The following VWA8 variants were observed in gnomAD, a reference collection of about 807,000 sequenced individuals.
VWA8 encodes the protein von Willebrand factor A domain containing 8, also known as von Willebrand factor A domain-containing protein 8.
Under a neutral mutation model 241.5 loss-of-function variants are expected in VWA8, and 221 were observed. That is an observed-to-expected ratio of 0.91 (90% CI 0.82 to 1.02). The LOEUF (loss-of-function observed/expected upper bound fraction) is 1.02. VWA8 is among the 50% of genes least tolerant of loss of function. The probability of loss-of-function intolerance (pLI) is 0.00; values close to 1 mark genes in which losing one functional copy is unlikely to be tolerated. For missense variants in VWA8, 2,322 were observed against 2,328.7 expected, an observed-to-expected ratio of 1.00 and a Z score of 0.06; for synonymous variants, 852 against 827.1, an observed-to-expected ratio of 1.03 and a Z score of -0.52.
chr13:41,676,573 T>C (rs1021562710), intron 35 of VWA8, among the ~76,000 whole-genome samples: 2 of 152,146 alleles, frequency 1.3e-5, no homozygotes, highest in African/African-American at 2.4e-5. Flanking sequence ...AAAAAGTGTA[T>C]GTTATTATTG....
chr13:41,727,773 T>C (rs938269579), intron 23 of VWA8, among the ~76,000 whole-genome samples: 8 of 152,178 alleles, frequency 5.3e-5, no homozygotes, highest in African/African-American at 1.9e-4. Flanking sequence ...TTATTCCTGT[T>C]TAGATCACGC....
At chr13:41,595,044 T>C (rs572038605) in intron 40 of VWA8, among the ~76,000 whole-genome samples, 2 of 152,284 alleles carry the variant, frequency 1.3e-5, no homozygotes, top group South Asian at 2.1e-4. Context: ...CTAGACGAAG[T>C]TGAGAAGACT....
chr13:41,831,136 C>G (rs1193466854), intron 13 of VWA8, among the ~76,000 whole-genome samples: 2 of 152,216 alleles, frequency 1.3e-5, no homozygotes, highest in African/African-American at 4.8e-5. Flanking sequence ...ACCTAACCAT[C>G]CACATCACAC....
chr13:41,859,470 A>C (rs1433293850), intron 12 of VWA8, among the ~76,000 whole-genome samples: 2 of 152,206 alleles, frequency 1.3e-5, no homozygotes, highest in East Asian at 1.9e-4. Flanking sequence ...ACTTACGTGC[A>C]CTTGAATTTT....
chr13:41,778,612 T>C (rs1277453540), intron 19 of VWA8, among the ~76,000 whole-genome samples: 1 of 152,000 alleles, frequency 6.6e-6, no homozygotes, highest in East Asian at 1.9e-4. Context: ...CTCTTTTGTA[T>C]CTTGAAAAAT....
chr13:41,652,971 G>A (rs2044878871), intron 37 of VWA8, among the ~76,000 whole-genome samples: 1 of 152,178 alleles, frequency 6.6e-6, no homozygotes, highest in African/African-American at 2.4e-5. Flanking sequence ...CCTGTGGTCA[G>A]TGGAAATAAT....
In VWA8 at chr13:41,580,896, A is replaced by G. The variant is rs1593628941; in HGVS notation, c.5272-5058T>C. ...ATATAAACTTAATGGTATGTTTAAG[A>G]ATTGTAATGAGAAAGCCTGCTTCTC... On this transcript the variant is annotated intron_variant, in intron 42 of 44. Coordinates refer to ENST00000379310, the MANE Select transcript of VWA8 (RefSeq NM_015058.2). 2.0e-5 allele frequency among the ~76,000 whole-genome samples: 3 copies of G among 152,226 alleles called. No individual in the cohort carries two copies. The South Asian group carries it at 6.2e-4, about 31-fold the overall frequency.
At chr13:41,726,106 C>G (rs780697437) in intron 24 of VWA8, among the ~76,000 whole-genome samples, 1 of 152,040 alleles carries the variant, frequency 6.6e-6, no homozygotes, top group African/African-American at 2.4e-5. Flanking sequence ...CTTATTGTTT[C>G]AATTACTATT....
chr13:41,669,007 T>C (rs2045004638), intron 37 of VWA8, among the ~76,000 whole-genome samples: 1 of 152,204 alleles, frequency 6.6e-6, no homozygotes, highest in African/African-American at 2.4e-5. Flanking sequence ...CTTGTTTTGT[T>C]GCCCAGGCTG....
chr13:41,645,242 G>C (rs1013479375), intron 37 of VWA8, among the ~76,000 whole-genome samples: 5 of 152,170 alleles, frequency 3.3e-5, no homozygotes, highest in African/African-American at 4.8e-5. Context: ...TATTTTAGGA[G>C]AGTGAAAAAG....
intron 31 of VWA8, 107 bp downstream of exon 31, chr13:41,691,767 C>A: frequency 1.1e-6 from 1 of 897,016 alleles, no homozygotes; most frequent in South Asian, 1.7e-5. Flanking sequence ...TTAAAACATT[C>A]ATAATTTGGT....
At chr13:41,888,091 T>A (rs1326204295) in intron 5 of VWA8, among the ~76,000 whole-genome samples, 1 of 152,168 alleles carries the variant, frequency 6.6e-6, no homozygotes, top group Admixed American at 6.5e-5. Context: ...AACCTTAGCC[T>A]TCTTAGTAGG....
intron 4 of VWA8, among the ~76,000 whole-genome samples, chr13:41,898,671 C>G (rs1414552446): frequency 6.6e-6 from 1 of 152,216 alleles, no homozygotes; most frequent in Admixed American, 6.5e-5. Flanking sequence ...CAGGAACCCA[C>G]GGAGGCGGGG....
At chr13:41,868,322 A>C in intron 10 of VWA8, 24 bp downstream of exon 10, 1 of 1,612,846 alleles carries the variant, frequency 6.2e-7, no homozygotes, top group Non-Finnish European at 8.5e-7. Flanking sequence ...ATATCATAGA[A>C]AGAATAAACC....
chr13:41,894,753 G>A (rs1875015910), intron 4 of VWA8, among the ~76,000 whole-genome samples: 1 of 152,162 alleles, frequency 6.6e-6, no homozygotes, highest in African/African-American at 2.4e-5. Flanking sequence ...AGTGATCAAA[G>A]TCAATGTGAC....
In VWA8 at chr13:41,885,915, C is replaced by T. The variant is rs1246562086; in HGVS notation, c.975+5G>A. 1.9e-6 allele frequency: 3 copies of T among 1,563,790 alleles called. No homozygotes were observed. The highest frequency in any genetic ancestry group is 1.2e-5 in the South Asian group (1 of 83,348). ...GTATGCCAGTCATTAATTTATTTTA[C>T]TTACCAAGATTTGAACCGCAGCTGC... is the stretch of plus-strand genomic sequence containing the variant. On this transcript the variant is annotated splice_donor_5th_base_variant and intron_variant, in intron 8 of 44. Coordinates refer to ENST00000379310, the MANE Select transcript of VWA8 (RefSeq NM_015058.2).
intron 20 of VWA8, among the ~76,000 whole-genome samples, chr13:41,763,308 A>AATAG (rs542268211): frequency 0.028 from 4,107 of 145,808 alleles, 107 homozygotes; most frequent in African/African-American, 0.059. Context: ...TAAATAAATA[A>AATAG]ATAGATAGAT....
At chr13:41,921,077 G>T (rs988010598) in intron 2 of VWA8, among the ~76,000 whole-genome samples, 5 of 152,142 alleles carry the variant, frequency 3.3e-5, no homozygotes, top group African/African-American at 1.2e-4. Flanking sequence ...ACATCAAAAA[G>T]CTTATCCGCC....
chr13:41,573,417 CAAAACAA>C (rs1357327758), intron 43 of VWA8, among the ~76,000 whole-genome samples: 31 of 144,500 alleles, frequency 2.1e-4, no homozygotes, highest in African/African-American at 8.0e-4. Flanking sequence ...GACTCCATCT[CAAAACAA>C]ACAAAGAATA....
Sources: gnomAD v4.1 joint callset for allele counts (sites outside exome capture counted in the v4.1 genomes callset) on GRCh38, gnomAD v4.1.1 for gene constraint, MANE v1.5 for transcripts, NCBI Gene and HGNC (gene_info 2026-07-23, HGNC 2026-07-21) for gene names.